Variants in SMAD2 observed in about 807,000 individuals in gnomAD.
SMAD2 encodes the protein SMAD family member 2.
In SMAD2, 8 loss-of-function variants were observed where a neutral mutation model predicts 64.4. That is an observed-to-expected ratio of 0.12 (90% confidence interval 0.07 to 0.22). The LOEUF (loss-of-function observed/expected upper bound fraction) is 0.22. Among genes scored for constraint, SMAD2 ranks in the 10% least tolerant of loss-of-function variants. The pLI, the probability that SMAD2 is intolerant of heterozygous loss-of-function variation, is 1.00. For missense variants in SMAD2, 289 were observed against 561.2 expected (o/e 0.51, Z 4.90); for synonymous variants, 203 against 195.8 (o/e 1.04, Z -0.31).
At chr18:47,875,004 C>T (rs2032185713) in intron 2 of SMAD2, among the ~76,000 whole-genome samples, 1 of 152,084 alleles carries the variant, frequency 6.6e-6, no homozygotes, top group African/African-American at 2.4e-5. Flanking sequence ...ACATTACTTC[C>T]TATACTGCAT....
intron 1 of SMAD2, among the ~76,000 whole-genome samples, chr18:47,902,911 C>A (rs548046009): frequency 6.6e-6 from 1 of 152,070 alleles, no homozygotes; most frequent in Non-Finnish European, 1.5e-5. Flanking sequence ...ACATGCACAC[C>A]GACATGACAT....
intron 7 of SMAD2, among the ~76,000 whole-genome samples, chr18:47,850,306 T>TATATTATATATA (rs1915089576): frequency 7.5e-5 from 3 of 39,964 alleles, no homozygotes; most frequent in Admixed American, 5.5e-4. Context: ...ATATATATTA[T>TATATTATATATA]GTATGTTATA....
chr18:47,926,277 A>G (rs1203580504), intron 1 of SMAD2, among the ~76,000 whole-genome samples: 2 of 152,254 alleles, frequency 1.3e-5, no homozygotes, highest in African/African-American at 2.4e-5. Flanking sequence ...GTGACAATCT[A>G]AAGTATATTA....
At chr18:47,917,541 C>G (rs1295583428) in intron 1 of SMAD2, among the ~76,000 whole-genome samples, 1 of 151,736 alleles carries the variant, frequency 6.6e-6, no homozygotes, top group Non-Finnish European at 1.5e-5. Context: ...TTTCTTTTTT[C>G]TTCTTCCCTG....
intron 1 of SMAD2, among the ~76,000 whole-genome samples, chr18:47,919,466 A>AT: frequency 8.8e-6 from 1 of 113,408 alleles, no homozygotes; most frequent in African/African-American, 3.5e-5. Context: ...TCAAAAAAAA[A>AT]AATACACACA....
chr18:47,892,188 T>C (rs577694192), intron 2 of SMAD2, among the ~76,000 whole-genome samples: 21 of 147,078 alleles, frequency 1.4e-4, no homozygotes, highest in East Asian at 1.0e-3. Context: ...ACAATAAACA[T>C]TACCTAGACA....
At chr18:47,917,466 T>C (rs903602899) in intron 1 of SMAD2, among the ~76,000 whole-genome samples, 175 of 152,356 alleles carry the variant, frequency 1.1e-3, no homozygotes, top group African/African-American at 4.0e-3. Flanking sequence ...ATTGGGTTTA[T>C]GGAGATATTT....
rs796235232 is a variant in SMAD2 at position 47,919,101 on chromosome 18, G to A, written c.-54+11260C>T. Among the ~76,000 whole-genome samples the A allele has an allele frequency of 4.6e-5, 7 of 152,138 alleles. No homozygotes were observed. In the East Asian group the frequency reaches 1.4e-3, roughly 29 times the overall value. On this transcript the variant is annotated intron_variant, in intron 1 of 10. Transcript: ENST00000262160. ...AGTTTCCAAGGAGGAAAAAAAATAGGTTATATAGAAAACAATCAAAATGGC... is the reference window on the plus strand; with the variant it reads ...AGTTTCCAAGGAGGAAAAAAAATAGATTATATAGAAAACAATCAAAATGGC...
chr18:47,876,242 T>C (rs2032255281), intron 2 of SMAD2, among the ~76,000 whole-genome samples: 1 of 152,036 alleles, frequency 6.6e-6, no homozygotes, highest in South Asian at 2.1e-4. Flanking sequence ...TTCTTAAAAC[T>C]CTCATGTATT....
At chr18:47,890,033 T>C (rs2033116868) in intron 2 of SMAD2, among the ~76,000 whole-genome samples, 1 of 152,122 alleles carries the variant, frequency 6.6e-6, no homozygotes, top group Non-Finnish European at 1.5e-5. Flanking sequence ...CCTGATAAGG[T>C]AAGTGATAAA....
At position 47,837,419 on chromosome 18, in the gene SMAD2, G is replaced by T. The variant is rs189399427; in HGVS notation, c.*4408C>A. 5.1e-6 allele frequency: 1 copy of T among 197,368 alleles called. No homozygotes were observed. The highest frequency in any genetic ancestry group is 2.3e-5 in the African/African-American group (1 of 43,260). The allele number at this position is 197,368 out of a possible 1,614,324, so 12.2% of individuals were successfully genotyped here. ...CTACTAAAAATACAAAAAATTAGCC[G>T]AGTGTGGTGGTGGGCGCCTGTAGTC... On this transcript the variant is annotated 3_prime_UTR_variant, in exon 11 of 11. Coordinates refer to ENST00000262160, the MANE Select transcript of SMAD2 (RefSeq NM_005901.6).
chr18:47,873,208 CA>C (rs2032051147), intron 2 of SMAD2, among the ~76,000 whole-genome samples: 1 of 152,058 alleles, frequency 6.6e-6, no homozygotes, highest in African/African-American at 2.4e-5. Context: ...ATCCTAGAAC[CA>C]ATCCCCCTTA....
intron 1 of SMAD2, among the ~76,000 whole-genome samples, chr18:47,902,033 C>T (rs2033706574): frequency 1.3e-5 from 2 of 152,146 alleles, no homozygotes; most frequent in African/African-American, 4.8e-5. Flanking sequence ...GAAAATATCC[C>T]AATCTCCTTT....
In SMAD2 at chr18:47,822,639, T is replaced by C. The variant is rs1912611543; in HGVS notation, c.*19188A>G. 1 of 152,276 alleles carries C rather than the reference T, an allele frequency of 6.6e-6. No individual in the cohort carries two copies. The highest frequency in any genetic ancestry group is 2.4e-5 in the African/African-American group (1 of 41,474). The allele number at this position is 152,276 out of a possible 1,614,324, so 9.4% of individuals were successfully genotyped here. On this transcript the variant is annotated 3_prime_UTR_variant, in exon 11 of 11. Transcript: ENST00000262160. ...CAAAGGTAGAAATATTTGCTTTTCC[T>C]TTCTTCTTGATCCCTCCAATTTGGA...
intron 1 of SMAD2, among the ~76,000 whole-genome samples, chr18:47,915,267 T>G (rs1390719252): frequency 6.6e-6 from 1 of 152,190 alleles, no homozygotes; most frequent in African/African-American, 2.4e-5. Context: ...CATTTAACAG[T>G]TTTGCTACAT....
At chr18:47,897,634 TTTTTA>T (rs1230006815) in intron 1 of SMAD2, among the ~76,000 whole-genome samples, 5 of 152,108 alleles carry the variant, frequency 3.3e-5, no homozygotes, top group African/African-American at 1.2e-4. Flanking sequence ...TGAAATTATT[TTTTTA>T]TTTTTATTTT....
chr18:47,851,320 T>C lies in SMAD2; in HGVS notation c.738A>G (p.Pro246=). Residue 246 remains proline (P), a synonymous_variant, in exon 7 of 11, where the codon CCA becomes CCG. Coordinates refer to ENST00000262160, the MANE Select transcript of SMAD2 (RefSeq NM_005901.6). ...AAAGAGTAGTAGGAGATAGTTCTGC[T>C]GGAGAGCCTAAAACAAAAGGATTTA... ...QLNQSMDTGS[P]AELSPTTLSP... 2 of 1,608,366 alleles carry C rather than the reference T, an allele frequency of 1.2e-6. No homozygotes were observed. The highest frequency in any genetic ancestry group is 3.3e-5 in the Admixed American group (2 of 59,996).
chr18:47,908,591 C>T (rs2033998808), intron 1 of SMAD2, among the ~76,000 whole-genome samples: 2 of 152,160 alleles, frequency 1.3e-5, no homozygotes, highest in African/African-American at 2.4e-5. Flanking sequence ...AAAACTTACA[C>T]AAACACAGAC....
chr18:47,875,141 C>A (rs2032194241), intron 2 of SMAD2, among the ~76,000 whole-genome samples: 1 of 152,116 alleles, frequency 6.6e-6, no homozygotes, highest in African/African-American at 2.4e-5. Flanking sequence ...CAATTTTCTT[C>A]CATGTGCAAT....
Sources: allele counts gnomAD v4.1 joint callset (sites outside exome capture counted in the v4.1 genomes callset), GRCh38; gene constraint gnomAD v4.1.1; transcripts MANE v1.5; gene names NCBI Gene and HGNC (gene_info 2026-07-23, HGNC 2026-07-21).